GRM8: variants seen among roughly 807,000 people sequenced by gnomAD.
The protein encoded by GRM8 is metabotropic glutamate receptor 8.
GRM8 carries 47 observed loss-of-function variants against 87.2 expected under a neutral mutation model. The ratio of observed to expected loss-of-function variants is 0.54; its 90% confidence interval spans 0.43 to 0.69. The LOEUF is 0.69. Ranked by LOEUF, GRM8 falls within the 30% of genes least tolerant of loss-of-function variation. The probability of loss-of-function intolerance (pLI) is 0.00; values close to 1 mark genes in which losing one functional copy is unlikely to be tolerated. For synonymous variants in GRM8, 396 were observed against 404.5 expected (o/e 0.98, Z 0.25); for missense variants, 1,019 against 1,139.2 (o/e 0.89, Z 1.52).
chr7:127,245,443 A>C (rs1373292076), intron 1 of GRM8, among the ~76,000 whole-genome samples: 3 of 152,226 alleles, frequency 2.0e-5, no homozygotes, highest in Admixed American at 2.0e-4. Context: ...TAAAACACTT[A>C]AGAGAATAAA....
chr7:126,444,847 T>C (rs1436819249), intron 10 of GRM8, among the ~76,000 whole-genome samples: 1 of 151,926 alleles, frequency 6.6e-6, no homozygotes, highest in Non-Finnish European at 1.5e-5. Context: ...TTGCATAGGA[T>C]TTTGTCCTTA....
chr7:126,881,586 G>A (rs901888760), intron 6 of GRM8, among the ~76,000 whole-genome samples: 3 of 152,192 alleles, frequency 2.0e-5, no homozygotes, highest in Admixed American at 6.5e-5. Context: ...GTGCATGGGG[G>A]CATGGCAAAT....
chr7:126,776,734 A>G (rs750312892), intron 6 of GRM8, among the ~76,000 whole-genome samples: 1 of 152,120 alleles, frequency 6.6e-6, no homozygotes. Context: ...ACCACAACCA[A>G]TTAACTTTGT....
intron 9 of GRM8, among the ~76,000 whole-genome samples, chr7:126,452,080 T>C (rs1046025082): frequency 3.3e-5 from 5 of 151,700 alleles, no homozygotes; most frequent in Non-Finnish European, 7.4e-5. Flanking sequence ...GTGGCACATA[T>C]ACACTATGGA....
At chr7:126,462,458 T>C (rs560780334) in intron 9 of GRM8, among the ~76,000 whole-genome samples, 1 of 151,640 alleles carries the variant, frequency 6.6e-6, no homozygotes, top group African/African-American at 2.4e-5. Context: ...ATTAGTTAGA[T>C]AGACGTTTGT....
intron 2 of GRM8, among the ~76,000 whole-genome samples, chr7:127,122,470 T>TAA (rs61078885): frequency 0.032 from 4,717 of 147,826 alleles, 84 homozygotes; most frequent in South Asian, 0.052. Flanking sequence ...GCTTTCTATT[T>TAA]AAAAAAAAAA....
intron 2 of GRM8, among the ~76,000 whole-genome samples, chr7:127,201,262 T>C (rs1795574868): frequency 6.6e-6 from 1 of 152,198 alleles, no homozygotes; most frequent in African/African-American, 2.4e-5. Context: ...TTGATCTATA[T>C]AAAAAACTCA....
chr7:127,119,181 G>A (rs925653994), intron 2 of GRM8, among the ~76,000 whole-genome samples: 1 of 152,060 alleles, frequency 6.6e-6, no homozygotes, highest in African/African-American at 2.4e-5. Context: ...AGGCGATGGG[G>A]AGCAGAGGCA....
intron 7 of GRM8, among the ~76,000 whole-genome samples, chr7:126,642,790 T>C (rs975543489): frequency 3.9e-5 from 6 of 152,132 alleles, no homozygotes; most frequent in African/African-American, 1.4e-4. Flanking sequence ...ACACACTTGC[T>C]GGAATCAGAA....
rs532123517 is a variant in GRM8 at position 126,995,755 on chromosome 7, G to A, written c.728-91072C>T. ...AAAAGGGCAAATCTAAGAGTTCTTG[G>A]CCTTAAAGAGGAAGTAGAGAAAGAG... On this transcript the variant is annotated intron_variant, in intron 3 of 10. Transcript: ENST00000339582. 3.9e-5 allele frequency among the ~76,000 whole-genome samples: 6 copies of A among 152,142 alleles called. 1 individual carries two copies. In the South Asian group the frequency reaches 1.2e-3, roughly 32 times the overall value.
intron 2 of GRM8, among the ~76,000 whole-genome samples, chr7:127,240,443 C>T (rs1462365821): frequency 7.3e-6 from 1 of 137,260 alleles, no homozygotes; most frequent in Non-Finnish European, 1.6e-5. Context: ...AAAAAAAATG[C>T]AAACAAGCTT....
intron 8 of GRM8, among the ~76,000 whole-genome samples, chr7:126,587,549 C>T (rs907688537): frequency 5.9e-5 from 9 of 151,924 alleles, no homozygotes; most frequent in African/African-American, 1.9e-4. Context: ...AAGCTGGAAA[C>T]CATCATTTTC....
chr7:127,184,786 A>G (rs974370201), intron 2 of GRM8, among the ~76,000 whole-genome samples: 6 of 151,990 alleles, frequency 3.9e-5, no homozygotes, highest in African/African-American at 1.4e-4. Context: ...AGGTCACTAT[A>G]GAAGAATAGA....
chr7:126,454,453 C>G (rs1336988746), intron 9 of GRM8, among the ~76,000 whole-genome samples: 2 of 151,348 alleles, frequency 1.3e-5, no homozygotes, highest in African/African-American at 4.9e-5. Context: ...ATAATTGATT[C>G]AGTAACTCAG....
At chr7:126,986,775 A>C (rs995306020) in intron 3 of GRM8, among the ~76,000 whole-genome samples, 1 of 152,252 alleles carries the variant, frequency 6.6e-6, no homozygotes, top group Non-Finnish European at 1.5e-5. Flanking sequence ...AGAAAAGTAC[A>C]GAAGACATAA....
chr7:127,033,070 A>T (rs1817532306), intron 3 of GRM8, among the ~76,000 whole-genome samples: 1 of 150,636 alleles, frequency 6.6e-6, no homozygotes, highest in Non-Finnish European at 1.5e-5. Context: ...GCATAGTGAC[A>T]AGAATTTTTT....
At chr7:126,778,396 C>A (rs1357056212) in intron 6 of GRM8, among the ~76,000 whole-genome samples, 4 of 152,098 alleles carry the variant, frequency 2.6e-5, no homozygotes, top group African/African-American at 7.2e-5. Context: ...AATTTCCATG[C>A]AATGCCCTAG....
intron 7 of GRM8, among the ~76,000 whole-genome samples, chr7:126,666,287 T>A (rs183130935): frequency 1.1e-4 from 16 of 152,268 alleles, no homozygotes; most frequent in African/African-American, 3.6e-4. Flanking sequence ...CAAAGTTGTA[T>A]CTGATGCACG....
intron 7 of GRM8, among the ~76,000 whole-genome samples, chr7:126,623,030 C>T (rs1800330551): frequency 1.3e-5 from 2 of 152,180 alleles, no homozygotes; most frequent in Admixed American, 6.5e-5. Flanking sequence ...ACAGTCATCT[C>T]CGCTTAGTAA....
Sources: allele counts gnomAD v4.1 joint callset (sites outside exome capture counted in the v4.1 genomes callset), GRCh38; gene constraint gnomAD v4.1.1; transcripts MANE v1.5; gene names NCBI Gene and HGNC (gene_info 2026-07-23, HGNC 2026-07-21).